Variants in C4orf50 observed in about 807,000 individuals in gnomAD.
The protein encoded by C4orf50 is uncharacterized protein C4orf50.
C4orf50 carries 80 observed loss-of-function variants against 77.2 expected under a neutral mutation model. The observed-to-expected ratio is 1.04, with a 90% CI of 0.87 to 1.25. The LOEUF (loss-of-function observed/expected upper bound fraction) is 1.25. Among genes scored for constraint, C4orf50 ranks in the 50% most tolerant of loss-of-function variants. C4orf50 has a pLI of 0.00. For missense variants in C4orf50, 1,257 were observed against 1,152.9 expected (o/e 1.09, Z -1.31); for synonymous variants, 532 against 465.3 (o/e 1.14, Z -1.84).
intron 25 of C4orf50, among the ~76,000 whole-genome samples, chr4:5,998,705 C>A (rs1186304186): frequency 6.6e-6 from 1 of 152,242 alleles, no homozygotes; most frequent in Admixed American, 6.5e-5. Flanking sequence ...CTGCCCTCTG[C>A]CGTAGCATCA....
intron 28 of C4orf50, among the ~76,000 whole-genome samples, chr4:5,981,832 C>T (rs1720606107): frequency 6.6e-6 from 1 of 151,984 alleles, no homozygotes; most frequent in Non-Finnish European, 1.5e-5. Context: ...ACTCCCTTCC[C>T]CTTGTGATGG....
intron 25 of C4orf50, among the ~76,000 whole-genome samples, chr4:6,003,727 G>T (rs943195158): frequency 1.2e-3 from 173 of 141,598 alleles, no homozygotes; most frequent in Admixed American, 2.2e-3. Flanking sequence ...GGTGATGATG[G>T]TGATGGTGAT....
At position 5,916,019 on chromosome 4, in the gene C4orf50, G is replaced by A. The variant is rs965801299; in HGVS notation, c.*2475-17831C>T. Among the ~76,000 whole-genome samples, 1 of 152,214 alleles carries A rather than the reference G, an allele frequency of 6.6e-6. No individual in the cohort carries two copies. The highest frequency in any genetic ancestry group is 1.5e-5 in the Non-Finnish European group (1 of 68,036). On this transcript the variant is annotated intron_variant, in intron 7 of 7. Transcript: ENST00000324058. This position sits in a 1 kb window ranked among gnomAD's most constrained non-coding sequence, Gnocchi z 4.4. ...GAAAGGAACCAAACTGAAGTTGCCT[G>A]GGCAAAAATGGCACAGGAAGGCAAG...
At chr4:5,927,305 G>A (rs1033557840) in intron 7 of C4orf50, among the ~76,000 whole-genome samples, 39 of 151,866 alleles carry the variant, frequency 2.6e-4, no homozygotes, top group Non-Finnish European at 7.4e-5. Flanking sequence ...CTCTGACACT[G>A]ACCGCTCCCC....
At chr4:5,917,913 C>A (rs528535951) in intron 7 of C4orf50, among the ~76,000 whole-genome samples, 1 of 152,000 alleles carries the variant, frequency 6.6e-6, no homozygotes, top group Non-Finnish European at 1.5e-5. Flanking sequence ...CGAGAGGTGG[C>A]GTGCAATTGG....
chr4:5,997,929 A>G (rs769740404), intron 25 of C4orf50, among the ~76,000 whole-genome samples: 2 of 152,206 alleles, frequency 1.3e-5, no homozygotes, highest in African/African-American at 4.8e-5. Flanking sequence ...TTCCAGATCA[A>G]ATCAATTCCC....
downstream of C4orf50, among the ~76,000 whole-genome samples, chr4:5,952,705 C>T (rs1224207259): frequency 1.3e-5 from 2 of 152,180 alleles, no homozygotes; most frequent in East Asian, 3.9e-4. This position sits in a 1 kb window ranked among gnomAD's most constrained non-coding sequence, Gnocchi z 4.4. Context: ...AGGACTCAGT[C>T]GTTCTTTTCT....
intron 7 of C4orf50, among the ~76,000 whole-genome samples, chr4:5,929,387 C>G (rs1717659868): frequency 6.6e-6 from 1 of 152,160 alleles, no homozygotes; most frequent in Admixed American, 6.5e-5. Context: ...ACCCAACAAC[C>G]AAGGTAGCCA....
chr4:6,001,978 A>G (rs368913335), intron 25 of C4orf50, among the ~76,000 whole-genome samples: 5 of 152,328 alleles, frequency 3.3e-5, no homozygotes, highest in African/African-American at 1.2e-4. Flanking sequence ...TACCTGGAGG[A>G]GGAGAAGAGA....
chr4:5,952,295 G>A (rs1009898842), downstream of C4orf50, among the ~76,000 whole-genome samples: 3 of 152,220 alleles, frequency 2.0e-5, no homozygotes, highest in African/African-American at 7.2e-5. This position sits in a 1 kb window ranked among gnomAD's most constrained non-coding sequence, Gnocchi z 4.4. Context: ...AAGAAGAGGA[G>A]GAGGAGAGAA....
intron 7 of C4orf50, among the ~76,000 whole-genome samples, chr4:5,918,740 T>C (rs1262010322): frequency 6.6e-6 from 1 of 152,224 alleles, no homozygotes; most frequent in Non-Finnish European, 1.5e-5. Flanking sequence ...TGCATTTAGC[T>C]ACAGTACATC....
rs140317206 is a variant in C4orf50, at chr4:6,007,670, A to G, written c.963+326T>C. Among the ~76,000 whole-genome samples, 219 of 152,220 alleles carry G rather than the reference A, an allele frequency of 1.4e-3. 1 individual carries two copies. The highest frequency in any genetic ancestry group is 2.5e-3 in the Non-Finnish European group (171 of 68,018). ...AACAGGTGTTAGGATGAATGGCAAA[A>G]TGATGGTGGGTAGGTGGGCGAGTGG... On this transcript the variant is annotated intron_variant, in intron 25 of 33. Coordinates refer to ENST00000531445, the Ensembl canonical transcript of C4orf50. The surrounding 1 kb of genome is among the most constrained non-coding windows in gnomAD (Gnocchi z 4.1).
At chr4:5,934,241 C>T (rs1481396986) in intron 7 of C4orf50, among the ~76,000 whole-genome samples, 3 of 152,120 alleles carry the variant, frequency 2.0e-5, no homozygotes, top group Admixed American at 6.5e-5. Context: ...ACAGGAGTCA[C>T]GGCTGCTCTG....
At chr4:6,004,210 TGGTG>T (rs1722072608) in intron 25 of C4orf50, among the ~76,000 whole-genome samples, 2 of 65,160 alleles carry the variant, frequency 3.1e-5, no homozygotes, top group African/African-American at 5.3e-5. Flanking sequence ...ATGGTGATGA[TGGTG>T]ATGGTGATGA....
At chr4:5,943,285 T>G (rs75039832) in intron 7 of C4orf50, among the ~76,000 whole-genome samples, 3,086 of 152,342 alleles carry the variant, frequency 0.02, 95 homozygotes, top group African/African-American at 0.071. Context: ...AACCGAACAG[T>G]ATCTTCATGG....
At chr4:5,973,537 G>T in intron 31 of C4orf50, 122 bp downstream of exon 9, 1 of 830,928 alleles carries the variant, frequency 1.2e-6, no homozygotes, top group Non-Finnish European at 1.9e-6. Flanking sequence ...TGTCTTCTTG[G>T]GTAGTGTCCG....
rs968753151 is a variant in C4orf50, at chr4:5,950,609, A to T, written c.*2474+6292T>A. ...TCTCTCCTGCCTTCCTTCTTCAACCAGTTTTCCACTCAAAATGGCACTTCC... is the reference window on the plus strand; with the variant it reads ...TCTCTCCTGCCTTCCTTCTTCAACCTGTTTTCCACTCAAAATGGCACTTCC... On this transcript the variant is annotated intron_variant, in intron 7 of 7. Coordinates refer to the C4orf50 transcript ENST00000324058. Among the ~76,000 whole-genome samples, 4 of 152,212 alleles carry T rather than the reference A, an allele frequency of 2.6e-5. No individual in the cohort carries two copies. The East Asian group carries it at 7.7e-4, about 29-fold the overall frequency.
At chr4:5,954,898 A>G (rs1009748473), downstream of C4orf50, among the ~76,000 whole-genome samples, 7 of 152,128 alleles carry the variant, frequency 4.6e-5, no homozygotes, top group Non-Finnish European at 8.8e-5. This position sits in a 1 kb window ranked among gnomAD's most constrained non-coding sequence, Gnocchi z 4.7. Context: ...AGCCGCAGGC[A>G]TTGAGCTCCT....
intron 28 of C4orf50, among the ~76,000 whole-genome samples, chr4:5,981,140 A>C (rs1720559981): frequency 1.3e-5 from 2 of 152,178 alleles, no homozygotes; most frequent in South Asian, 4.1e-4. Flanking sequence ...TATAAAATTT[A>C]AAATATGATA....
Sources: allele counts gnomAD v4.1 joint callset (sites outside exome capture counted in the v4.1 genomes callset), GRCh38; gene constraint gnomAD v4.1.1; non-coding constraint Gnocchi (gnomAD v3.1); transcripts MANE v1.5; gene names NCBI Gene and HGNC (gene_info 2026-07-23, HGNC 2026-07-21).